SF3B2: variants seen among roughly 807,000 people sequenced by gnomAD.
SF3B2 encodes the protein splicing factor 3b subunit 2, also known as SAP 145.
SF3B2 carries 22 observed loss-of-function variants against 116.3 expected under a neutral mutation model. The observed-to-expected ratio is 0.19, with a 90% CI of 0.14 to 0.27. The LOEUF is 0.27. SF3B2 is among the 10% of genes least tolerant of loss of function. The pLI is 1.00. For synonymous variants in SF3B2, 406 were observed against 421.6 expected, an observed-to-expected ratio of 0.96 and a Z score of 0.45; for missense variants, 767 against 1,151.4, an observed-to-expected ratio of 0.67 and a Z score of 4.83.
chr11:66,066,220 C>T (rs1857181242), intron 19 of SF3B2: 2 of 152,178 alleles, frequency 1.3e-5, no homozygotes, highest in African/African-American at 4.8e-5. Context: ...ACATCTGTGC[C>T]ATTTCTGGGT....
intron 5 of SF3B2, 46 bp from the exon 6 acceptor site, chr11:66,056,792 C>A: frequency 6.9e-7 from 1 of 1,441,554 alleles, no homozygotes; most frequent in Non-Finnish European, 9.8e-7. Flanking sequence ...GGGCTGCCTG[C>A]CAAATGCGTT....
At chr11:66,063,264 C>A in intron 17 of SF3B2, 136 bp from the exon 18 acceptor site, 1 of 1,032,664 alleles carries the variant, frequency 9.7e-7, no homozygotes, top group Non-Finnish European at 1.4e-6. Flanking sequence ...TTAATGTAAG[C>A]TCCTCACTAG....
Position 66,060,240 on chromosome 11 carries a change from G to A in SF3B2, c.1629+231G>A, listed in dbSNP as rs1229208718. On this transcript the variant is annotated intron_variant, in intron 13 of 21. Transcript: ENST00000322535. ...GTGGCTAGAGATTCGTGGTGGTTGT[G>A]TAACTTCTTAATTTTAAAGCTTTTA... 3.3e-5 allele frequency among the ~76,000 whole-genome samples: 5 copies of A among 152,312 alleles called. No individual in the cohort carries two copies. The South Asian group carries it at 1.0e-3, about 32-fold the overall frequency.
chr11:66,056,937 ACTC>A lies in SF3B2; in HGVS notation c.653_655del (p.Pro218del). ...AGACATGGGCCAGATTGGTGTGCGC[ACTC>A]CTCTGGGTCCTCGAGGTGAGACCCT... On this transcript the variant is annotated inframe_deletion, in exon 6 of 22. Coordinates refer to ENST00000322535, the MANE Select transcript of SF3B2 (RefSeq NM_006842.3). 1.2e-6 allele frequency: 2 copies of A among 1,613,738 alleles called. No homozygotes were observed. Among genetic ancestry groups the A allele is most frequent in the Non-Finnish European group, 1.7e-6 (2 of 1,179,788 alleles).
At chr11:66,061,107 T>C (rs780136092) in intron 14 of SF3B2, among the ~76,000 whole-genome samples, 4 of 152,226 alleles carry the variant, frequency 2.6e-5, no homozygotes, top group Admixed American at 6.5e-5. Flanking sequence ...AGGAGGGCTT[T>C]TGAAGCAACT....
chr11:66,054,271 G>A (rs1048889658), intron 3 of SF3B2, among the ~76,000 whole-genome samples: 9 of 151,380 alleles, frequency 5.9e-5, no homozygotes, highest in African/African-American at 2.2e-4. Flanking sequence ...GAGGTCACGA[G>A]TTCAAGACCA....
At chr11:66,066,988 G>C (rs192240550) in intron 19 of SF3B2, 55 of 180,718 alleles carry the variant, frequency 3.0e-4, no homozygotes, top group Admixed American at 8.7e-4. Context: ...ACTCTCAGGT[G>C]TGGTATGCTG....
rs779007459 is a variant in SF3B2, at chr11:66,068,628, G to A, written c.2617-46G>A. On this transcript the variant is annotated intron_variant, in intron 21 of 21. Coordinates refer to ENST00000322535, the MANE Select transcript of SF3B2 (RefSeq NM_006842.3). ...GCCCACCCTTGTTTTGGGGGTCCGG[G>A]GGTGGTTCAACCTGTCTTAACCTGT... 5.8e-6 allele frequency: 9 copies of A among 1,563,136 alleles called. No homozygotes were observed. In the Admixed American group the frequency reaches 1.4e-4, roughly 24 times the overall value.
At chr11:66,060,802 G>T (rs1248185349) in intron 14 of SF3B2, 71 bp downstream of exon 14, 12 of 1,507,204 alleles carry the variant, frequency 8.0e-6, no homozygotes, top group Non-Finnish European at 1.0e-5. Context: ...TTTTTTGTTT[G>T]TTTGTTTGTT....
chr11:66,063,990 G>C (rs1038833221), intron 19 of SF3B2, among the ~76,000 whole-genome samples: 19 of 152,290 alleles, frequency 1.2e-4, no homozygotes, highest in African/African-American at 4.6e-4. Flanking sequence ...CTTTGGGAAG[G>C]CCTCACTGGG....
chr11:66,053,143 G>C, intron 3 of SF3B2, 39 bp downstream of exon 3: 1 of 1,575,642 alleles, frequency 6.3e-7, no homozygotes, highest in Non-Finnish European at 8.7e-7. Flanking sequence ...TCCATCTGCT[G>C]ATCCTTTTGT....
chr11:66,069,075 C>A lies in SF3B2; in HGVS notation c.*330C>A. 1 of 385,420 alleles carries A rather than the reference C, an allele frequency of 2.6e-6. No homozygotes were observed. The highest frequency in any genetic ancestry group is 5.0e-6 in the Non-Finnish European group (1 of 200,588). The allele number at this position is 385,420 out of a possible 1,614,324, so 23.9% of individuals were successfully genotyped here. A position where few individuals can be genotyped will look rare whatever the true frequency, so the allele number is the denominator to read the frequency against. ...CCCCAGGCTGAAATCTGTGTTTCACCACTGCCCTGCTTTGTAGGAAGGCTT... is the reference window on the plus strand; with the variant it reads ...CCCCAGGCTGAAATCTGTGTTTCACAACTGCCCTGCTTTGTAGGAAGGCTT... On this transcript the variant is annotated 3_prime_UTR_variant, in exon 22 of 22. Coordinates refer to ENST00000322535, the MANE Select transcript of SF3B2 (RefSeq NM_006842.3).
intron 14 of SF3B2, among the ~76,000 whole-genome samples, chr11:66,061,198 G>A (rs1260391220): frequency 1.3e-5 from 2 of 152,218 alleles, no homozygotes; most frequent in Admixed American, 6.5e-5. Flanking sequence ...CTATTTGGAG[G>A]AGAGATGCAG....
rs199802227 is a variant in SF3B2 at position 66,060,740 on chromosome 11, G to T, written c.1779+9G>T. 1.2e-4 allele frequency: 201 copies of T among 1,613,944 alleles called. 1 individual carries two copies. Among genetic ancestry groups the T allele is most frequent in the Non-Finnish European group, 1.6e-4 (191 of 1,179,938 alleles). On this transcript the variant is annotated intron_variant, in intron 14 of 21. Transcript: ENST00000322535. The stretch of plus-strand genomic sequence containing the variant: ...GGGACCTGTACTATGAGGTTCGGGA[G>T]GGGGCTGGGAGAGGTCAGGCTGGGC...
At chr11:66,055,921 C>G (rs1323135335) in intron 5 of SF3B2, 1 of 289,490 alleles carries the variant, frequency 3.5e-6, no homozygotes, top group Non-Finnish European at 6.4e-6. Context: ...AGCCTGCTGA[C>G]CTCTGCTCGC....
intron 6 of SF3B2, 52 bp downstream of exon 6, chr11:66,057,007 T>G (rs780924317): frequency 7.5e-7 from 1 of 1,335,842 alleles, no homozygotes; most frequent in African/African-American, 1.4e-5. Context: ...TAGACATTTT[T>G]AAAAAGACTT....
rs373064832 is a variant in SF3B2 at position 66,053,012 on chromosome 11, C to T, written c.181-15C>T. On this transcript the variant is annotated splice_polypyrimidine_tract_variant and intron_variant, in intron 2 of 21. Coordinates refer to ENST00000322535, the MANE Select transcript of SF3B2 (RefSeq NM_006842.3). ...GCTAGTTTTGGACTGACCTAGAGTC[C>T]TTTCTCTTTTGCAGACTGGCATCGT... 1.2e-6 allele frequency: 2 copies of T among 1,613,806 alleles called. No individual in the cohort carries two copies. The highest frequency in any genetic ancestry group is 1.3e-5 in the African/African-American group (1 of 74,914).
At position 66,063,493 on chromosome 11, in the gene SF3B2, A is replaced by G. The variant is rs1429094647; in HGVS notation, c.2179A>G (p.Ser727Gly). The G allele has an allele frequency of 1.2e-6, 2 of 1,614,232 alleles. No homozygotes were observed. Residue 727 changes from serine (S) to glycine (G), a missense_variant, in exon 18 of 22, where the codon AGT becomes GGT. Coordinates refer to ENST00000322535, the MANE Select transcript of SF3B2 (RefSeq NM_006842.3). ...ESSEEEEEEESDEDKPDETGF... is the reference protein window; with the variant it reads ...ESSEEEEEEEGDEDKPDETGF... ...CTCAGAAGAAGAGGAAGAGGAAGAA[A>G]GTGATGAAGACAAACCAGATGAGAC...
chr11:66,069,251 A>G lies in SF3B2; in HGVS notation c.*506A>G, dbSNP rs1590721449. ...CCTTCCCAACTGACCTTGTGACCAG[A>G]AGTTCAAGTCCTTACCTGTGCGACA... On this transcript the variant is annotated 3_prime_UTR_variant, in exon 22 of 22. Transcript: ENST00000322535. The G allele has an allele frequency of 2.6e-6, 1 of 387,920 alleles. No individual in the cohort carries two copies. The highest frequency in any genetic ancestry group is 7.4e-5 in the East Asian group (1 of 13,528). 24.0% of individuals were successfully genotyped at this position (387,920 alleles called of 1,614,324 possible).
Sources: gnomAD v4.1 joint callset for allele counts (sites outside exome capture counted in the v4.1 genomes callset) on GRCh38, gnomAD v4.1.1 for gene constraint, MANE v1.5 for transcripts, NCBI Gene and HGNC (gene_info 2026-07-23, HGNC 2026-07-21) for gene names.